Variants in AFDN observed in about 807,000 individuals in gnomAD.
AFDN encodes the protein afadin.
Under a neutral mutation model 216.6 loss-of-function variants are expected in AFDN, and 68 were observed. The ratio of observed to expected loss-of-function variants is 0.31; its 90% CI spans 0.26 to 0.38. The LOEUF (loss-of-function observed/expected upper bound fraction) is 0.38, where lower values mean the gene tolerates loss of function less well. Among genes scored for constraint, AFDN ranks in the 10% least tolerant of loss-of-function variants. AFDN has a pLI of 1.00. For synonymous variants in AFDN, 868 were observed against 853.7 expected, an observed-to-expected ratio of 1.02 and a Z score of -0.29; for missense variants, 2,136 against 2,342.0, an observed-to-expected ratio of 0.91 and a Z score of 1.82.
chr6:167,880,890 T>C (rs1786026356), intron 6 of AFDN, among the ~76,000 whole-genome samples: 1 of 152,206 alleles, frequency 6.6e-6, no homozygotes, highest in Admixed American at 6.5e-5. Flanking sequence ...TCTAAAATTA[T>C]GTAAAGTATG....
chr6:167,930,317 T>A (rs553715415), intron 23 of AFDN, among the ~76,000 whole-genome samples: 1 of 152,334 alleles, frequency 6.6e-6, no homozygotes, highest in Non-Finnish European at 1.5e-5. Flanking sequence ...AAAGTTTTCT[T>A]CTCCTGGTGA....
At chr6:167,891,404 G>GGGGGGT (rs1350794338) in intron 8 of AFDN, among the ~76,000 whole-genome samples, 13 of 138,070 alleles carry the variant, frequency 9.4e-5, no homozygotes, top group Non-Finnish European at 1.5e-4. Flanking sequence ...TTCATAAAGG[G>GGGGGGT]GTGGGTGTGT....
chr6:167,911,207 C>G lies in AFDN; in HGVS notation c.1831+45C>G, dbSNP rs372587050. 5 of 1,594,328 alleles carry G rather than the reference C, an allele frequency of 3.1e-6. No homozygotes were observed. In the African/African-American group the frequency reaches 4.1e-5, roughly 13 times the overall value. ...ATTGTCAATGAATTATTTCTTGATC[C>G]ATTTTACTCCATCTGATTTTCACAT... On this transcript the variant is annotated intron_variant, in intron 14 of 33. Coordinates refer to ENST00000683244, the MANE Select transcript of AFDN (RefSeq NM_001386888.1).
intron 4 of AFDN, among the ~76,000 whole-genome samples, chr6:167,873,188 G>A (rs1276769184): frequency 6.6e-6 from 1 of 152,096 alleles, no homozygotes; most frequent in African/African-American, 2.4e-5. Context: ...TGCCAAAAAG[G>A]GTGAAGAACG....
In AFDN at chr6:167,911,098, T is replaced by C. The variant is rs760735763; in HGVS notation, c.1770-3T>C. ...TTAAGTGATGTCAGCTTTCTTCTTT[T>C]AGAACACAGGATGCTTCTGGGCCTG... On this transcript the variant is annotated splice_polypyrimidine_tract_variant and splice_region_variant and intron_variant, in intron 13 of 33. Transcript: ENST00000683244. 8.7e-6 allele frequency: 14 copies of C among 1,611,148 alleles called. No homozygotes were observed. In the East Asian group the frequency reaches 2.7e-4, roughly 31 times the overall value.
At chr6:167,930,581 G>A (rs1220865809) in intron 23 of AFDN, among the ~76,000 whole-genome samples, 2 of 152,144 alleles carry the variant, frequency 1.3e-5, no homozygotes, top group Non-Finnish European at 2.9e-5. Flanking sequence ...AAGCCATGTG[G>A]GGTGTGTGGA....
chr6:167,960,367 TGC>T (rs1796920300), intron 30 of AFDN, among the ~76,000 whole-genome samples: 1 of 150,042 alleles, frequency 6.7e-6, no homozygotes, highest in Non-Finnish European at 1.5e-5. Context: ...AAGAAGAAAA[TGC>T]CTGTTTTTAC....
At chr6:167,834,810 T>G (rs1780238254) in intron 1 of AFDN, among the ~76,000 whole-genome samples, 1 of 151,704 alleles carries the variant, frequency 6.6e-6, no homozygotes, top group Non-Finnish European at 1.5e-5. Flanking sequence ...TGAGGTCCCG[T>G]CTCTACCAAA....
chr6:167,890,981 T>A lies in AFDN; in HGVS notation c.1129T>A (p.Ser377Thr). 1 of 1,614,020 alleles carries A rather than the reference T, an allele frequency of 6.2e-7. No homozygotes were observed. The highest frequency in any genetic ancestry group is 8.5e-7 in the Non-Finnish European group (1 of 1,179,922). ...KERADGSGYG[S>T]TLPPEKLPYL... ...GAGAGCTGACGGGTCTGGCTATGGC[T>A]CCACCCTTCCTCCGGAGAAGCTGCC... Residue 377 changes from serine to threonine, a missense_variant, in exon 8 of 34, where the codon TCC becomes ACC. This residue lies in a region of AFDN where 817 missense variants were observed against 965.7 expected (regional missense o/e 0.85). Transcript: ENST00000683244.
intron 30 of AFDN, among the ~76,000 whole-genome samples, chr6:167,961,227 G>C (rs1169589828): frequency 6.6e-6 from 1 of 152,202 alleles, no homozygotes; most frequent in Non-Finnish European, 1.5e-5. Flanking sequence ...GATTGAACTA[G>C]ATGGCTTTAA....
At chr6:167,899,710 CAA>C (rs1788708104) in intron 11 of AFDN, among the ~76,000 whole-genome samples, 1 of 152,134 alleles carries the variant, frequency 6.6e-6, no homozygotes, top group Non-Finnish European at 1.5e-5. Flanking sequence ...GAGGTTTGTC[CAA>C]AGAGATTATG....
At position 167,911,455 on chromosome 6, in the gene AFDN, A is replaced by G. The variant is rs753771226; in HGVS notation, c.2003A>G (p.Asn668Ser). ...ERTHKVIAVVNKMVSMMEGVI... is the reference protein window; with the variant it reads ...ERTHKVIAVVSKMVSMMEGVI... ...ACACATAAAGTCATTGCAGTCGTCAACAAGATGGTGAGCATGATGGAGGGT... is the reference window on the plus strand; with the variant it reads ...ACACATAAAGTCATTGCAGTCGTCAGCAAGATGGTGAGCATGATGGAGGGT... The change falls in exon 15 of 34, where the codon AAC (asparagine) becomes AGC (serine). Residue 668 changes from asparagine to serine, a missense_variant. Transcript: ENST00000683244. 1.1e-5 allele frequency: 18 copies of G among 1,614,186 alleles called. No homozygotes were observed. The highest frequency in any genetic ancestry group is 1.3e-5 in the African/African-American group (1 of 75,056).
intron 1 of AFDN, among the ~76,000 whole-genome samples, chr6:167,846,710 G>GTT (rs1331873264): frequency 7.6e-6 from 1 of 132,034 alleles, no homozygotes; most frequent in African/African-American, 2.8e-5. Context: ...AAAAAACCAA[G>GTT]TTGTTTTTTT....
chr6:167,928,380 G>A (rs3778663), intron 23 of AFDN, among the ~76,000 whole-genome samples: 16,124 of 152,248 alleles, frequency 0.11, 1,001 homozygotes, highest in South Asian at 0.22. Flanking sequence ...CAGCTTGAAA[G>A]TCACACCTGA....
chr6:167,961,911 G>A (rs1329166514), intron 30 of AFDN, among the ~76,000 whole-genome samples: 2 of 152,172 alleles, frequency 1.3e-5, no homozygotes, highest in Non-Finnish European at 2.9e-5. Flanking sequence ...TGGTCCCCGG[G>A]AAAGATGGAC....
At position 167,903,997 on chromosome 6, in the gene AFDN, C is replaced by T. The variant is rs553518899; in HGVS notation, c.1650+1611C>T. 3.3e-5 allele frequency among the ~76,000 whole-genome samples: 5 copies of T among 152,284 alleles called. No individual in the cohort carries two copies. The East Asian group carries it at 5.8e-4, about 18-fold the overall frequency. On this transcript the variant is annotated intron_variant, in intron 12 of 33. Coordinates refer to ENST00000683244, the MANE Select transcript of AFDN (RefSeq NM_001386888.1). ...TATAAACCACCTAGTAGTGGTTTCT[C>T]CTTGGTTTGATTTGTTGGTACCTCT...
At chr6:167,868,864 G>A (rs1784490031) in intron 2 of AFDN, among the ~76,000 whole-genome samples, 1 of 148,816 alleles carries the variant, frequency 6.7e-6, no homozygotes, top group African/African-American at 2.5e-5. Flanking sequence ...TTGGACTCAA[G>A]TGATTCTCCC....
chr6:167,835,670 T>C lies in AFDN; in HGVS notation c.105+8433T>C, dbSNP rs570750179. Among the ~76,000 whole-genome samples the C allele has an allele frequency of 2.0e-5, 3 of 152,352 alleles. No individual in the cohort carries two copies. In the East Asian group the frequency reaches 5.8e-4, roughly 29 times the overall value. On this transcript the variant is annotated intron_variant, in intron 1 of 33. Transcript: ENST00000683244. ...GTGCATTTTGATGCTACTGCCTTGATTTGGTGCTAAGGTGCCATCAGCTAT... is the reference window on the plus strand; with the variant it reads ...GTGCATTTTGATGCTACTGCCTTGACTTGGTGCTAAGGTGCCATCAGCTAT...
chr6:167,964,532 C>T (rs1797339342), intron 31 of AFDN: 1 of 1,065,646 alleles, frequency 9.4e-7, no homozygotes, highest in Non-Finnish European at 1.1e-6. Flanking sequence ...AAAAATTGGG[C>T]TCAGGGCAGT....
Sources: allele counts gnomAD v4.1 joint callset (sites outside exome capture counted in the v4.1 genomes callset), GRCh38; gene constraint gnomAD v4.1.1; regional missense constraint gnomAD v4.1.1; transcripts MANE v1.5; gene names NCBI Gene and HGNC (gene_info 2026-07-23, HGNC 2026-07-21).